AUH: variants seen among roughly 807,000 people sequenced by gnomAD.
The protein encoded by AUH is methylglutaconyl-CoA hydratase, mitochondrial.
In AUH, 29 loss-of-function variants were observed where a neutral mutation model predicts 42.3. The ratio of observed to expected loss-of-function variants is 0.69; its 90% CI spans 0.51 to 0.93. The LOEUF (loss-of-function observed/expected upper bound fraction) is 0.93. Among genes scored for constraint, AUH ranks in the 40% least tolerant of loss-of-function variants. AUH has a pLI of 0.00. For synonymous variants in AUH, 174 were observed against 166.4 expected, an observed-to-expected ratio of 1.05 and a Z score of -0.35; for missense variants, 452 against 438.1, an observed-to-expected ratio of 1.03 and a Z score of -0.28.
chr9:91,261,164 C>G (rs1829689402), intron 6 of AUH, among the ~76,000 whole-genome samples: 1 of 152,076 alleles, frequency 6.6e-6, no homozygotes, highest in African/African-American at 2.4e-5. Flanking sequence ...ATCTCTACTA[C>G]TTTTTTATTG....
chr9:91,359,826 C>A (rs546986884), intron 1 of AUH, among the ~76,000 whole-genome samples: 8 of 152,262 alleles, frequency 5.3e-5, no homozygotes, highest in African/African-American at 1.9e-4. Context: ...AACTCCTTCA[C>A]CTGTAGTACC....
chr9:91,337,551 T>C (rs935687854), intron 3 of AUH, among the ~76,000 whole-genome samples: 1 of 152,200 alleles, frequency 6.6e-6, no homozygotes, highest in Non-Finnish European at 1.5e-5. Flanking sequence ...GTATTCTCTT[T>C]CTTTCAAGAA....
At chr9:91,261,940 T>C (rs1829727985) in intron 6 of AUH, among the ~76,000 whole-genome samples, 1 of 152,222 alleles carries the variant, frequency 6.6e-6, no homozygotes, top group Non-Finnish European at 1.5e-5. Flanking sequence ...GAATGAAGTT[T>C]TGAACTGAGC....
chr9:91,240,159 A>T (rs4744042), intron 6 of AUH, among the ~76,000 whole-genome samples: 99,521 of 152,134 alleles, frequency 0.65, 34,962 homozygotes, highest in East Asian at 0.95. Flanking sequence ...TTTTAAAAAA[A>T]ATTTTGAAGA....
chr9:91,320,303 G>A (rs1454217466), intron 4 of AUH, among the ~76,000 whole-genome samples: 1 of 152,108 alleles, frequency 6.6e-6, no homozygotes, highest in Non-Finnish European at 1.5e-5. Context: ...GAAAGACTCT[G>A]TACTTCTATA....
chr9:91,214,426 C>CT lies in AUH; in HGVS notation c.943-2dup. ...CAAGTCTGTCTTTTGTTGGAATGGTCTAAGAAAAACAAAATATTAAATATG... is the reference window on the plus strand; with the variant it reads ...CAAGTCTGTCTTTTGTTGGAATGGTCTTAAGAAAAACAAAATATTAAATATG... On this transcript the variant is annotated splice_acceptor_variant, in intron 9 of 9. Coordinates refer to ENST00000375731, the MANE Select transcript of AUH (RefSeq NM_001698.3). LOFTEE classifies it high-confidence loss of function. 3 of 1,600,200 alleles carry CT rather than the reference C, an allele frequency of 1.9e-6. 1 individual carries two copies. The Middle Eastern group carries it at 5.0e-4, about 265-fold the overall frequency.
intron 6 of AUH, among the ~76,000 whole-genome samples, chr9:91,295,593 C>A (rs914552971): frequency 5.9e-5 from 9 of 152,224 alleles, no homozygotes; most frequent in Non-Finnish European, 2.9e-5. Context: ...CCACTCTAAT[C>A]AGTCAGCAGC....
chr9:91,309,656 C>A (rs1282878019), intron 4 of AUH, among the ~76,000 whole-genome samples: 1 of 152,100 alleles, frequency 6.6e-6, no homozygotes, highest in Non-Finnish European at 1.5e-5. Flanking sequence ...ACTGGGGACT[C>A]CACAGGGGAG....
chr9:91,307,458 C>A (rs75065886), intron 4 of AUH, among the ~76,000 whole-genome samples: 1 of 152,110 alleles, frequency 6.6e-6, no homozygotes, highest in Admixed American at 6.5e-5. Flanking sequence ...GTTTCAGTTA[C>A]CCATGGTCAA....
rs117717408 is a variant in AUH, at chr9:91,285,800, T to C, written c.655+10221A>G. On this transcript the variant is annotated intron_variant, in intron 6 of 9. Transcript: ENST00000375731. ...TGTATAAAAAGATGAGACTTCATAG[T>C]GTGTGCTCGTGTATACGCAAGGTAT... Among the ~76,000 whole-genome samples the C allele has an allele frequency of 6.2e-3, 943 of 152,270 alleles. 2 individuals are homozygous for C. Among genetic ancestry groups the C allele is most frequent in the Non-Finnish European group, 8.4e-3 (570 of 68,018 alleles).
At chr9:91,358,028 C>CAAA in intron 1 of AUH, among the ~76,000 whole-genome samples, 1 of 152,242 alleles carries the variant, frequency 6.6e-6, no homozygotes, top group Non-Finnish European at 1.5e-5. Flanking sequence ...CTTCAAGACA[C>CAAA]AATTCGAGTC....
chr9:91,219,456 T>C lies in AUH; in HGVS notation c.843+1349A>G, dbSNP rs765255810. On this transcript the variant is annotated intron_variant, in intron 7 of 9. Transcript: ENST00000375731. Reference sequence around the variant, plus strand: ...TCCTGATACTTGTACCTTTAATTTGTCTTTAGGTAGAGACTTCTCTCATAT... The same window carrying C: ...TCCTGATACTTGTACCTTTAATTTGCCTTTAGGTAGAGACTTCTCTCATAT... 1.2e-4 allele frequency among the ~76,000 whole-genome samples: 19 copies of C among 152,258 alleles called. 1 individual carries two copies. Among genetic ancestry groups the C allele is most frequent in the Non-Finnish European group, 2.6e-4 (18 of 68,044 alleles).
chr9:91,313,078 T>G (rs909766448), intron 4 of AUH, among the ~76,000 whole-genome samples: 15 of 150,384 alleles, frequency 1.0e-4, no homozygotes, highest in Admixed American at 9.9e-4. Flanking sequence ...GCGGGGGGGG[T>G]TGTTTTTTTG....
chr9:91,359,071 C>A (rs1035764134), intron 1 of AUH, among the ~76,000 whole-genome samples: 2 of 152,172 alleles, frequency 1.3e-5, no homozygotes, highest in African/African-American at 4.8e-5. Context: ...CCTTAATTTT[C>A]CTGACTTTTC....
At chr9:91,326,577 T>G (rs1053441477) in intron 3 of AUH, among the ~76,000 whole-genome samples, 1 of 152,110 alleles carries the variant, frequency 6.6e-6, no homozygotes. Context: ...AAAGTATTAA[T>G]TACAGAAAGA....
chr9:91,257,836 C>T (rs1829489611), intron 6 of AUH, among the ~76,000 whole-genome samples: 1 of 152,204 alleles, frequency 6.6e-6, no homozygotes, highest in Admixed American at 6.5e-5. Flanking sequence ...ACTGCATCTA[C>T]AGATTAGTTC....
chr9:91,214,167 C>A lies in AUH; in HGVS notation c.*181G>T. On this transcript the variant is annotated 3_prime_UTR_variant, in exon 10 of 10. Coordinates refer to ENST00000375731, the MANE Select transcript of AUH (RefSeq NM_001698.3). Reference sequence around the variant, plus strand: ...GCTTTATAAATCTGAATGAATATGACATTTACACATTTGAATGAAGTACAC... The same window carrying A: ...GCTTTATAAATCTGAATGAATATGAAATTTACACATTTGAATGAAGTACAC... 1 of 615,668 alleles carries A rather than the reference C, an allele frequency of 1.6e-6. No homozygotes were observed. The highest frequency in any genetic ancestry group is 2.9e-6 in the Non-Finnish European group (1 of 339,860). The allele number at this position is 615,668 out of a possible 1,614,324, so 38.1% of individuals were successfully genotyped here.
intron 6 of AUH, among the ~76,000 whole-genome samples, chr9:91,229,029 T>C (rs1827704014): frequency 6.6e-6 from 1 of 151,886 alleles, no homozygotes; most frequent in East Asian, 1.9e-4. Flanking sequence ...ATGTATATTC[T>C]GTTGATTTGG....
chr9:91,230,721 G>A (rs1462237161), intron 6 of AUH, among the ~76,000 whole-genome samples: 1 of 152,114 alleles, frequency 6.6e-6, no homozygotes, highest in African/African-American at 2.4e-5. Flanking sequence ...GTGATGTACA[G>A]ATGGGTTTTT....
Sources: gnomAD v4.1 joint callset for allele counts (sites outside exome capture counted in the v4.1 genomes callset) on GRCh38, gnomAD v4.1.1 for gene constraint, MANE v1.5 for transcripts, NCBI Gene and HGNC (gene_info 2026-07-23, HGNC 2026-07-21) for gene names.